The following DPP10 variants were observed in gnomAD, a reference collection of about 807,000 sequenced individuals.
DPP10 encodes inactive dipeptidyl peptidase 10.
In DPP10, 33 loss-of-function variants were observed where a neutral mutation model predicts 120.9. The ratio of observed to expected loss-of-function variants is 0.27; its 90% CI spans 0.21 to 0.37. DPP10 has a LOEUF of 0.37. DPP10 is among the 10% of genes least tolerant of loss of function. The pLI is 1.00. For missense variants in DPP10, 816 were observed against 942.8 expected, an observed-to-expected ratio of 0.87 and a Z score of 1.76; for synonymous variants, 337 against 326.1, an observed-to-expected ratio of 1.03 and a Z score of -0.36.
At position 115,032,810 on chromosome 2, in the gene DPP10, G is replaced by A. The variant is rs528937141; in HGVS notation, c.61-276429G>A. On this transcript the variant is annotated intron_variant, in intron 1 of 25. Coordinates refer to ENST00000410059, the MANE Select transcript of DPP10 (RefSeq NM_020868.6). ...TGAGGCAGGAGGATCACTTAAACAC[G>A]GGAGGCAGAGGTTGCAATGAGCTGA... Among the ~76,000 whole-genome samples, 7 of 151,386 alleles carry A rather than the reference G, an allele frequency of 4.6e-5. No homozygotes were observed. The South Asian group carries it at 1.0e-3, about 23-fold the overall frequency.
At chr2:114,708,311 A>C (rs1309149382) in intron 1 of DPP10, among the ~76,000 whole-genome samples, 2 of 152,106 alleles carry the variant, frequency 1.3e-5, no homozygotes, top group Non-Finnish European at 2.9e-5. Flanking sequence ...TGCTGAGCAC[A>C]AGCATTGCAG....
intron 5 of DPP10, among the ~76,000 whole-genome samples, chr2:115,563,691 A>G (rs1443762634): frequency 6.6e-6 from 1 of 152,180 alleles, no homozygotes; most frequent in African/African-American, 2.4e-5. Flanking sequence ...ACCTCTTCGT[A>G]AGGAAATATT....
At chr2:115,659,616 C>A (rs938944720) in intron 5 of DPP10, among the ~76,000 whole-genome samples, 1 of 152,160 alleles carries the variant, frequency 6.6e-6, no homozygotes, top group African/African-American at 2.4e-5. Flanking sequence ...GAATTTGATA[C>A]TGAGTCAGTG....
intron 3 of DPP10, among the ~76,000 whole-genome samples, chr2:115,352,345 C>T (rs1007677218): frequency 6.6e-6 from 1 of 152,150 alleles, no homozygotes; most frequent in African/African-American, 2.4e-5. Flanking sequence ...TATATGTGCT[C>T]TGCACAGAGC....
At chr2:114,543,923 T>C (rs1358860710) in intron 1 of DPP10, among the ~76,000 whole-genome samples, 1 of 152,114 alleles carries the variant, frequency 6.6e-6, no homozygotes, top group African/African-American at 2.4e-5. Context: ...TTTAGCCTCA[T>C]TCATGTATTC....
In DPP10 at chr2:114,718,002, A is replaced by G. The variant is rs191549116; in HGVS notation, c.60+275164A>G. 7.0e-3 allele frequency among the ~76,000 whole-genome samples: 1,064 copies of G among 152,248 alleles called. 7 individuals carry two copies. The highest frequency in any genetic ancestry group is 0.012 in the Non-Finnish European group (784 of 67,998). ...TATTTATTACTATTCTGATACATAG[A>G]ACTAGAATTGGAGAAATTATCTCTT... On this transcript the variant is annotated intron_variant, in intron 1 of 25. Transcript: ENST00000410059.
chr2:115,255,096 A>C (rs1352825799), intron 1 of DPP10, among the ~76,000 whole-genome samples: 1 of 152,188 alleles, frequency 6.6e-6, no homozygotes, highest in Non-Finnish European at 1.5e-5. Flanking sequence ...GTTCTCCATG[A>C]AGGCTCTGTC....
chr2:115,694,551 G>A (rs1017155617), intron 7 of DPP10, among the ~76,000 whole-genome samples: 11 of 152,180 alleles, frequency 7.2e-5, no homozygotes, highest in African/African-American at 7.2e-5. Flanking sequence ...TGCATTATTT[G>A]GAGAAGGTGG....
rs553790454 is a variant in DPP10, at chr2:115,521,752, A to C, written c.367-4146A>C. Among the ~76,000 whole-genome samples the C allele has an allele frequency of 1.4e-4, 22 of 152,230 alleles. No homozygotes were observed. In the South Asian group the frequency reaches 4.6e-3, roughly 32 times the overall value. ...CTCTCATGAACTCGAGATGTCATCA[A>C]ATCTAACTAGTTTTTCACCCAGTTG... On this transcript the variant is annotated intron_variant, in intron 4 of 25. Coordinates refer to ENST00000410059, the MANE Select transcript of DPP10 (RefSeq NM_020868.6).
intron 1 of DPP10, among the ~76,000 whole-genome samples, chr2:114,473,218 G>A (rs1410242031): frequency 6.6e-6 from 1 of 152,076 alleles, no homozygotes; most frequent in Non-Finnish European, 1.5e-5. Context: ...AGGCATTTAA[G>A]AGCATGAAAA....
At chr2:115,112,149 A>G (rs1042789160) in intron 1 of DPP10, among the ~76,000 whole-genome samples, 1 of 152,136 alleles carries the variant, frequency 6.6e-6, no homozygotes, top group African/African-American at 2.4e-5. Flanking sequence ...TCACTATCAC[A>G]GTTCTTTTCA....
At chr2:114,758,168 T>C (rs1374720899) in intron 1 of DPP10, among the ~76,000 whole-genome samples, 1 of 152,238 alleles carries the variant, frequency 6.6e-6, no homozygotes, top group Non-Finnish European at 1.5e-5. Context: ...GCCAGAACTT[T>C]GTCTGATTAA....
At chr2:115,667,310 G>T (rs759297068) in intron 5 of DPP10, among the ~76,000 whole-genome samples, 3 of 152,008 alleles carry the variant, frequency 2.0e-5, no homozygotes, top group Non-Finnish European at 4.4e-5. Context: ...TTGTTTGTGT[G>T]TGAATAGTTT....
chr2:115,691,115 CT>C (rs556982150), intron 7 of DPP10, among the ~76,000 whole-genome samples: 89 of 146,458 alleles, frequency 6.1e-4, no homozygotes, highest in East Asian at 5.2e-3. Context: ...ATTTTTTATT[CT>C]TTTTTTTTTA....
intron 1 of DPP10, among the ~76,000 whole-genome samples, chr2:114,530,643 G>C (rs1269147242): frequency 6.6e-6 from 1 of 151,886 alleles, no homozygotes; most frequent in Non-Finnish European, 1.5e-5. Flanking sequence ...TGCCCTCCAG[G>C]GTTCCTTCCA....
chr2:114,873,356 C>T (rs1351465686), intron 1 of DPP10, among the ~76,000 whole-genome samples: 1 of 152,132 alleles, frequency 6.6e-6, no homozygotes, highest in Non-Finnish European at 1.5e-5. Context: ...AGTATTCAAT[C>T]CAGGTTGATG....
At chr2:115,325,436 G>A (rs1349076928) in intron 2 of DPP10, among the ~76,000 whole-genome samples, 1 of 152,068 alleles carries the variant, frequency 6.6e-6, no homozygotes, top group Non-Finnish European at 1.5e-5. Context: ...TTTGAGACTT[G>A]AATAATATTT....
chr2:115,687,513 A>C (rs1178363024), intron 5 of DPP10, among the ~76,000 whole-genome samples: 2 of 151,896 alleles, frequency 1.3e-5, no homozygotes, highest in African/African-American at 4.8e-5. Flanking sequence ...ATAGATAGAT[A>C]GATAGATAGA....
At chr2:115,705,239 T>C (rs1437000859) in intron 7 of DPP10, among the ~76,000 whole-genome samples, 2 of 152,016 alleles carry the variant, frequency 1.3e-5, no homozygotes, top group East Asian at 1.9e-4. Flanking sequence ...TTTTCAAACA[T>C]ATCTTTGAAA....
Sources: allele counts gnomAD v4.1 joint callset (sites outside exome capture counted in the v4.1 genomes callset), GRCh38; gene constraint gnomAD v4.1.1; transcripts MANE v1.5; gene names NCBI Gene and HGNC (gene_info 2026-07-23, HGNC 2026-07-21).